Variants in SMAD2 observed in about 807,000 individuals in gnomAD.
The protein encoded by SMAD2 is SMAD family member 2.
Under a neutral mutation model 64.4 loss-of-function variants are expected in SMAD2, and 8 were observed. The ratio of observed to expected loss-of-function variants is 0.12; its 90% confidence interval spans 0.07 to 0.22. The LOEUF (loss-of-function observed/expected upper bound fraction) is 0.22, where lower values mean the gene tolerates loss of function less well. SMAD2 is among the 10% of genes least tolerant of loss of function. The pLI, the probability that SMAD2 is intolerant of heterozygous loss-of-function variation, is 1.00. For synonymous variants in SMAD2, 203 were observed against 195.8 expected (o/e 1.04, Z -0.31); for missense variants, 289 against 561.2 (o/e 0.51, Z 4.90).
At chr18:47,856,660 T>C (rs1231524074) in intron 6 of SMAD2, among the ~76,000 whole-genome samples, 1 of 152,144 alleles carries the variant, frequency 6.6e-6, no homozygotes, top group African/African-American at 2.4e-5. Context: ...TATAGTGTAA[T>C]AAACAAGAAC....
intron 2 of SMAD2, among the ~76,000 whole-genome samples, chr18:47,889,769 TC>T (rs1258510637): frequency 7.4e-6 from 1 of 135,228 alleles, no homozygotes; most frequent in East Asian, 2.2e-4. Context: ...AGACTCCATC[TC>T]AAAAAAAAAA....
intron 1 of SMAD2, among the ~76,000 whole-genome samples, chr18:47,924,067 G>A (rs754741585): frequency 2.0e-5 from 3 of 152,008 alleles, no homozygotes; most frequent in Middle Eastern, 3.4e-3. Context: ...TGACCAACAT[G>A]GTGAAACCCC....
rs774974477 is a variant in SMAD2, at chr18:47,841,993, C to T, written c.1281-43G>A. ...GGAAAATGATTATGAAATTCAAGTC[C>T]ACAGGCAGGGAAAATGGCTATGTTT... On this transcript the variant is annotated intron_variant, in intron 10 of 10. Coordinates refer to ENST00000262160, the MANE Select transcript of SMAD2 (RefSeq NM_005901.6). 5.0e-6 allele frequency: 8 copies of T among 1,611,450 alleles called. No individual in the cohort carries two copies. In the South Asian group the frequency reaches 8.8e-5, roughly 18 times the overall value.
At chr18:47,905,816 G>C (rs1363409290) in intron 1 of SMAD2, among the ~76,000 whole-genome samples, 1 of 152,010 alleles carries the variant, frequency 6.6e-6, no homozygotes, top group Admixed American at 6.6e-5. Context: ...TTAACCACAA[G>C]AGAAATACAG....
intron 6 of SMAD2, among the ~76,000 whole-genome samples, chr18:47,854,920 G>C (rs1304797126): frequency 1.3e-5 from 2 of 152,050 alleles, no homozygotes; most frequent in African/African-American, 4.8e-5. Flanking sequence ...TCTGGGTTTT[G>C]ACAAATGTAT....
chr18:47,885,195 C>A (rs560194649), intron 2 of SMAD2, among the ~76,000 whole-genome samples: 1 of 149,324 alleles, frequency 6.7e-6, no homozygotes, highest in African/African-American at 2.5e-5. Flanking sequence ...ATACCCTCCC[C>A]CCCCAAGACA....
Position 47,839,155 on chromosome 18 carries a change from G to T in SMAD2, c.*2672C>A, listed in dbSNP as rs969174562. 4.3e-6 allele frequency: 1 copy of T among 233,192 alleles called. No homozygotes were observed. The highest frequency in any genetic ancestry group is 8.5e-6 in the Non-Finnish European group (1 of 118,056). The allele number at this position is 233,192 out of a possible 1,614,324, so 14.4% of individuals were successfully genotyped here. A position where few individuals can be genotyped will look rare whatever the true frequency, so the allele number is the denominator to read the frequency against. On this transcript the variant is annotated 3_prime_UTR_variant, in exon 11 of 11. Transcript: ENST00000262160. ...CTCAACAGGTATAACTGCTCAATAG[G>T]TGTTTTCAAAGAGTTGAGTCCCAAT...
At chr18:47,895,935 T>TA (rs567218096) in intron 2 of SMAD2, among the ~76,000 whole-genome samples, 44 of 152,194 alleles carry the variant, frequency 2.9e-4, no homozygotes, top group Admixed American at 9.2e-4. Flanking sequence ...AAACAATACT[T>TA]ATGACAGTGG....
rs768668814 is a variant in SMAD2 at position 47,869,397 on chromosome 18, T to C, written c.366A>G (p.Gly122=). The part of the protein sequence containing the change: ...DGRLQVSHRK[G]LPHVIYCRLW... ...ATCGGCAATATATAACATGTGGCAA[T>C]CCTTTTCGATGGGATACCTGGAGAC... Residue 122 remains glycine, a synonymous_variant, in exon 4 of 11, where the codon GGA becomes GGG. Transcript: ENST00000262160. 1.9e-6 allele frequency: 3 copies of C among 1,611,216 alleles called. No individual in the cohort carries two copies. Among genetic ancestry groups the C allele is most frequent in the East Asian group, 2.2e-5 (1 of 44,768 alleles).
At chr18:47,851,712 A>T (rs1231441697) in intron 6 of SMAD2, among the ~76,000 whole-genome samples, 5 of 152,124 alleles carry the variant, frequency 3.3e-5, no homozygotes, top group African/African-American at 1.2e-4. Context: ...TTATTCTATC[A>T]GATTGTTCAC....
intron 6 of SMAD2, chr18:47,853,242 A>ATCGCT (rs1205229851): frequency 5.1e-6 from 1 of 195,496 alleles, no homozygotes; most frequent in African/African-American, 3.4e-5. Flanking sequence ...AGGCAGAAGA[A>ATCGCT]TGGCCGTAGT....
intron 2 of SMAD2, among the ~76,000 whole-genome samples, chr18:47,870,828 A>G (rs1026101487): frequency 6.6e-6 from 1 of 152,226 alleles, no homozygotes; most frequent in East Asian, 1.9e-4. Flanking sequence ...TCAATGAATC[A>G]TACCTATAAT....
intron 1 of SMAD2, among the ~76,000 whole-genome samples, chr18:47,910,385 A>AT (rs898162286): frequency 2.2e-3 from 77 of 34,224 alleles, no homozygotes; most frequent in Admixed American, 5.5e-3. Context: ...AGCTATATAT[A>AT]ATATAGGGTT....
At chr18:47,886,612 T>TCTAC (rs10673978) in intron 2 of SMAD2, among the ~76,000 whole-genome samples, 9 of 147,196 alleles carry the variant, frequency 6.1e-5, no homozygotes, top group Non-Finnish European at 1.2e-4. Context: ...TATCTATCTA[T>TCTAC]CTAACCATAA....
In SMAD2 at chr18:47,838,075, ATTTTC is replaced by A. The variant is rs1487519741; in HGVS notation, c.*3747_*3751del. Reference sequence around the variant, plus strand: ...AGGTAGAGAAACCAACTGGGTATATATTTTCTTTTATTTGATTTCAACTAGCAAGA... The same window carrying A: ...AGGTAGAGAAACCAACTGGGTATATATTTTATTTGATTTCAACTAGCAAGA... On this transcript the variant is annotated 3_prime_UTR_variant, in exon 11 of 11. Coordinates refer to ENST00000262160, the MANE Select transcript of SMAD2 (RefSeq NM_005901.6). 5 of 232,924 alleles carry A rather than the reference ATTTTC, an allele frequency of 2.1e-5. No individual in the cohort carries two copies. The highest frequency in any genetic ancestry group is 1.1e-4 in the African/African-American group (5 of 45,268). The allele number at this position is 232,924 out of a possible 1,614,324, so 14.4% of individuals were successfully genotyped here.
rs554666655 is a variant in SMAD2 at position 47,900,934 on chromosome 18, A to T, written c.-53-4125T>A. On this transcript the variant is annotated intron_variant, in intron 1 of 10. Transcript: ENST00000262160. Reference sequence around the variant, plus strand: ...TACTATAATACAAACAACATATTCAATTATTAAAATCAATGATATTTGCTG... The same window carrying T: ...TACTATAATACAAACAACATATTCATTTATTAAAATCAATGATATTTGCTG... Among the ~76,000 whole-genome samples, 4 of 152,304 alleles carry T rather than the reference A, an allele frequency of 2.6e-5. No homozygotes were observed. In the East Asian group the frequency reaches 5.8e-4, roughly 22 times the overall value.
chr18:47,900,678 C>T (rs1475054243), intron 1 of SMAD2, among the ~76,000 whole-genome samples: 1 of 151,608 alleles, frequency 6.6e-6, no homozygotes, highest in Non-Finnish European at 1.5e-5. Flanking sequence ...TTTCCTATTC[C>T]TTTTCTACCT....
Position 47,881,389 on chromosome 18 carries a change from TTGTC to T in SMAD2, c.237-10829_237-10826del, listed in dbSNP as rs1375657715. On this transcript the variant is annotated intron_variant, in intron 2 of 10. Transcript: ENST00000262160. ...TCATGAATTTTCTTAACACCCCTAT[TTGTC>T]TGCTGCTAGTATTTACAAAAATACA... Among the ~76,000 whole-genome samples the T allele has an allele frequency of 1.1e-4, 17 of 152,320 alleles. No homozygotes were observed. In the East Asian group the frequency reaches 3.3e-3, roughly 29 times the overall value.
At chr18:47,902,508 CAG>C (rs2033724189) in intron 1 of SMAD2, among the ~76,000 whole-genome samples, 2 of 151,994 alleles carry the variant, frequency 1.3e-5, no homozygotes, top group African/African-American at 4.8e-5. Flanking sequence ...CACTTGAGGA[CAG>C]AGATGGAGAG....
Sources: allele counts gnomAD v4.1 joint callset (sites outside exome capture counted in the v4.1 genomes callset), GRCh38; gene constraint gnomAD v4.1.1; transcripts MANE v1.5; gene names NCBI Gene and HGNC (gene_info 2026-07-23, HGNC 2026-07-21).